Variants in PLEKHA6 observed in about 807,000 individuals in gnomAD.
PLEKHA6 encodes the protein pleckstrin homology domain-containing family A member 6.
A neutral mutation model predicts 116.7 loss-of-function variants in PLEKHA6; 60 were observed. The ratio of observed to expected loss-of-function variants is 0.51; its 90% CI spans 0.42 to 0.64. The LOEUF (loss-of-function observed/expected upper bound fraction) is 0.64, where lower values mean the gene tolerates loss of function less well. PLEKHA6 is among the 30% of genes least tolerant of loss of function. The pLI, the probability that PLEKHA6 is intolerant of heterozygous loss-of-function variation, is 0.00. For synonymous variants in PLEKHA6, 489 were observed against 556.1 expected (o/e 0.88, Z 1.70); for missense variants, 1,338 against 1,422.7 (o/e 0.94, Z 0.96).
chr1:204,284,604 C>A (rs974260330), intron 1 of PLEKHA6, among the ~76,000 whole-genome samples: 1 of 152,050 alleles, frequency 6.6e-6, no homozygotes, highest in African/African-American at 2.4e-5. Flanking sequence ...GCACTTGCTG[C>A]AGACTGAGAC....
chr1:204,311,579 A>T, intron 1 of PLEKHA6: 1 of 975,488 alleles, frequency 1.0e-6, no homozygotes, highest in South Asian at 4.7e-5. Context: ...AACAAAAAAA[A>T]ACTAATGATA....
intron 21 of PLEKHA6, among the ~76,000 whole-genome samples, chr1:204,225,519 C>G (rs946227835): frequency 6.6e-6 from 1 of 152,218 alleles, no homozygotes; most frequent in Non-Finnish European, 1.5e-5. Flanking sequence ...CCTGTGCACA[C>G]AGACAGAAGT....
At chr1:204,247,593 A>G (rs1663898924) in intron 12 of PLEKHA6, 133 bp from the exon 13 acceptor site, 1 of 595,926 alleles carries the variant, frequency 1.7e-6, no homozygotes, top group Non-Finnish European at 3.0e-6. Flanking sequence ...GGACCGAAGG[A>G]GAGGGGCACC....
chr1:204,307,802 G>A, intron 1 of PLEKHA6: 1 of 919,962 alleles, frequency 1.1e-6, no homozygotes, highest in Non-Finnish European at 1.3e-6. Flanking sequence ...CACTGGGAGA[G>A]AGCCCTGCCA....
chr1:204,298,028 T>A (rs1333069484), intron 1 of PLEKHA6: 1 of 363,828 alleles, frequency 2.7e-6, no homozygotes, highest in East Asian at 1.7e-4. Context: ...GAGCCAGTAG[T>A]TGGAAAAGAA....
At chr1:204,360,239 C>G (rs933483266), upstream of PLEKHA6, among the ~76,000 whole-genome samples, 1 of 151,648 alleles carries the variant, frequency 6.6e-6, no homozygotes, top group Non-Finnish European at 1.5e-5. Context: ...CCAGAAACTG[C>G]CCAGGGTCTT....
At chr1:204,284,648 G>A (rs891012923) in intron 1 of PLEKHA6, among the ~76,000 whole-genome samples, 17 of 152,112 alleles carry the variant, frequency 1.1e-4, no homozygotes, top group Admixed American at 3.3e-4. Flanking sequence ...GCCCCCGAGA[G>A]GAAGAGGGAG....
At chr1:204,280,445 G>A (rs1294239692) in intron 1 of PLEKHA6, 2 of 985,160 alleles carry the variant, frequency 2.0e-6, no homozygotes, top group Admixed American at 6.2e-5. Flanking sequence ...CACCCACTGG[G>A]CCTCTCTTGA....
intron 17 of PLEKHA6, among the ~76,000 whole-genome samples, chr1:204,239,928 A>G (rs1662564994): frequency 1.3e-5 from 2 of 152,190 alleles, no homozygotes; most frequent in South Asian, 2.1e-4. Flanking sequence ...TTCCCATGAC[A>G]TTATGTTCTG....
chr1:204,306,963 AG>A (rs1265802955), intron 1 of PLEKHA6, among the ~76,000 whole-genome samples: 1 of 152,176 alleles, frequency 6.6e-6, no homozygotes, highest in Non-Finnish European at 1.5e-5. Flanking sequence ...CCTACCCCCA[AG>A]GGAGAAAATA....
At chr1:204,301,388 G>A (rs1670798962) in intron 1 of PLEKHA6, 22 of 982,008 alleles carry the variant, frequency 2.2e-5, no homozygotes, top group Non-Finnish European at 2.7e-5. Flanking sequence ...CAGCTCATCA[G>A]CCTACAGCAA....
chr1:204,289,634 T>C (rs991688092), intron 1 of PLEKHA6, among the ~76,000 whole-genome samples: 1 of 152,262 alleles, frequency 6.6e-6, no homozygotes, highest in Non-Finnish European at 1.5e-5. Flanking sequence ...GGAGGTGTTC[T>C]ACTTGTGTAG....
intron 1 of PLEKHA6, among the ~76,000 whole-genome samples, chr1:204,298,366 T>C (rs1004089880): frequency 6.6e-6 from 1 of 152,186 alleles, no homozygotes; most frequent in African/African-American, 2.4e-5. Context: ...GACTCCCTAG[T>C]GTCAAATGGA....
intron 1 of PLEKHA6, among the ~76,000 whole-genome samples, chr1:204,359,218 T>C (rs1673499328): frequency 6.6e-6 from 1 of 151,964 alleles, no homozygotes; most frequent in African/African-American, 2.4e-5. Context: ...CTCTGACTCA[T>C]AAGAATGATA....
intron 1 of PLEKHA6, among the ~76,000 whole-genome samples, chr1:204,282,977 G>A (rs951346917): frequency 2.0e-5 from 3 of 152,154 alleles, no homozygotes; most frequent in African/African-American, 7.2e-5. Flanking sequence ...GGATCCCAAG[G>A]GGTAACAGGG....
intron 21 of PLEKHA6, among the ~76,000 whole-genome samples, chr1:204,225,959 G>C (rs1660302859): frequency 1.3e-5 from 2 of 152,224 alleles, no homozygotes; most frequent in African/African-American, 4.8e-5. Flanking sequence ...CACGCACCGG[G>C]TGGATTTGTA....
chr1:204,370,439 G>A (rs1478260080), intron 2 of PLEKHA6, among the ~76,000 whole-genome samples: 2 of 152,224 alleles, frequency 1.3e-5, no homozygotes, highest in Admixed American at 6.5e-5. Context: ...ATATCTCCCC[G>A]CACTGTGACC....
At chr1:204,241,966 A>T (rs1662890989) in intron 15 of PLEKHA6, 152 bp from the exon 16 acceptor site, 1 of 789,216 alleles carries the variant, frequency 1.3e-6, no homozygotes, top group African/African-American at 1.7e-5. Flanking sequence ...TGGGAGGCGG[A>T]CAGGAATGCA....
At chr1:204,293,672 A>G (rs567532580) in intron 1 of PLEKHA6, among the ~76,000 whole-genome samples, 3 of 152,332 alleles carry the variant, frequency 2.0e-5, no homozygotes, top group Non-Finnish European at 4.4e-5. Context: ...AAATTATTGC[A>G]TTGAAATGTT....
Sources: gnomAD v4.1 joint callset for allele counts (sites outside exome capture counted in the v4.1 genomes callset) on GRCh38, gnomAD v4.1.1 for gene constraint, MANE v1.5 for transcripts, NCBI Gene and HGNC (gene_info 2026-07-23, HGNC 2026-07-21) for gene names.